The following ARL15 variants were observed in gnomAD, a reference collection of about 807,000 sequenced individuals.
ARL15 encodes ARF like GTPase 15.
ARL15 carries 19 observed loss-of-function variants against 25.2 expected under a neutral mutation model. The ratio of observed to expected loss-of-function variants is 0.75; its 90% CI spans 0.53 to 1.10. The LOEUF (loss-of-function observed/expected upper bound fraction) is 1.10, where lower values mean the gene tolerates loss of function less well. ARL15 is among the 50% of genes least tolerant of loss of function. The pLI, the probability that ARL15 is intolerant of heterozygous loss-of-function variation, is 0.00. For missense variants in ARL15, 220 were observed against 246.0 expected, an observed-to-expected ratio of 0.89 and a Z score of 0.71; for synonymous variants, 94 against 86.8, an observed-to-expected ratio of 1.08 and a Z score of -0.46.
chr5:54,001,063 T>A (rs942956746), intron 4 of ARL15, among the ~76,000 whole-genome samples: 3 of 152,186 alleles, frequency 2.0e-5, no homozygotes, highest in African/African-American at 7.2e-5. Flanking sequence ...AACTTTATAT[T>A]TTAGTACTTT....
chr5:54,039,891 A>AT (rs1165472111), intron 4 of ARL15, among the ~76,000 whole-genome samples: 1 of 150,720 alleles, frequency 6.6e-6, no homozygotes, highest in African/African-American at 2.4e-5. Context: ...AAACGTATTT[A>AT]TTTTTGAACT....
chr5:54,251,719 TTAAGAACACCTGTAGTGTAA>T (rs1413092044), intron 1 of ARL15, among the ~76,000 whole-genome samples: 1 of 152,218 alleles, frequency 6.6e-6, no homozygotes, highest in Non-Finnish European at 1.5e-5. Context: ...ACTGTCCTGT[TTAAGAACACCTGTAGTGTAA>T]TAAGGTAAGC....
intron 3 of ARL15, among the ~76,000 whole-genome samples, chr5:54,116,342 G>A (rs1752898616): frequency 6.6e-6 from 1 of 152,136 alleles, no homozygotes; most frequent in Non-Finnish European, 1.5e-5. Flanking sequence ...GATACCAACA[G>A]CATCTGCTAC....
intron 4 of ARL15, among the ~76,000 whole-genome samples, chr5:53,904,357 A>G (rs768941647): frequency 6.6e-6 from 1 of 152,240 alleles, no homozygotes; most frequent in African/African-American, 2.4e-5. Flanking sequence ...ATTATTAAGT[A>G]GTATAAGTAA....
intron 3 of ARL15, among the ~76,000 whole-genome samples, chr5:54,144,817 C>T (rs1294471575): frequency 1.3e-5 from 2 of 152,096 alleles, no homozygotes; most frequent in Admixed American, 6.6e-5. Flanking sequence ...GGTCTAGCAC[C>T]CACACTCAAG....
At chr5:54,241,697 T>C (rs543151196) in intron 1 of ARL15, among the ~76,000 whole-genome samples, 3 of 152,334 alleles carry the variant, frequency 2.0e-5, no homozygotes, top group South Asian at 4.1e-4. Flanking sequence ...CGATTCCTTA[T>C]ATAATAGGCA....
intron 3 of ARL15, among the ~76,000 whole-genome samples, chr5:54,126,203 T>A (rs1322739379): frequency 2.0e-5 from 3 of 152,150 alleles, no homozygotes; most frequent in African/African-American, 7.2e-5. Flanking sequence ...ACCTCTAATA[T>A]CACGAAAACA....
chr5:54,157,665 C>T (rs1347698309), intron 2 of ARL15, among the ~76,000 whole-genome samples: 1 of 152,170 alleles, frequency 6.6e-6, no homozygotes, highest in Non-Finnish European at 1.5e-5. Flanking sequence ...CCCGCCTCGG[C>T]CTCCCAAAGT....
At chr5:54,295,796 A>G (rs1047119905) in intron 1 of ARL15, among the ~76,000 whole-genome samples, 1 of 152,300 alleles carries the variant, frequency 6.6e-6, no homozygotes, top group South Asian at 2.1e-4. Context: ...AATCGTCCCA[A>G]TGCTCCTTCC....
intron 1 of ARL15, among the ~76,000 whole-genome samples, chr5:54,181,718 G>C (rs1201446453): frequency 1.3e-5 from 2 of 152,184 alleles, no homozygotes; most frequent in East Asian, 1.9e-4. Flanking sequence ...AGGATCACTT[G>C]AGGCTAGGAG....
intron 3 of ARL15, among the ~76,000 whole-genome samples, chr5:54,124,420 A>AT (rs1464747635): frequency 1.3e-5 from 2 of 152,142 alleles, no homozygotes; most frequent in African/African-American, 4.8e-5. Flanking sequence ...TGTTCTGAAT[A>AT]TTTTTTCTTA....
chr5:54,292,493 T>A (rs1758358805), intron 1 of ARL15, among the ~76,000 whole-genome samples: 1 of 152,148 alleles, frequency 6.6e-6, no homozygotes, highest in African/African-American at 2.4e-5. Context: ...GAAGGCAGAA[T>A]CACAACCCAT....
chr5:54,209,449 C>A lies in ARL15; in HGVS notation c.49-37521G>T, dbSNP rs2112503051. 1.3e-5 allele frequency among the ~76,000 whole-genome samples: 2 copies of A among 152,056 alleles called. 1 individual carries two copies. Among genetic ancestry groups the A allele is most frequent in the South Asian group, 4.2e-4 (2 of 4,792 alleles). On this transcript the variant is annotated intron_variant, in intron 1 of 4. Coordinates refer to ENST00000504924, the MANE Select transcript of ARL15 (RefSeq NM_019087.3). Reference sequence around the variant, plus strand: ...GAAGGAAGAAGAAGTTCACCATTGACCACTGGTTTTCACATAATAAGTTCT... The same window carrying A: ...GAAGGAAGAAGAAGTTCACCATTGAACACTGGTTTTCACATAATAAGTTCT...
At chr5:53,894,062 G>C (rs1306735491) in intron 4 of ARL15, among the ~76,000 whole-genome samples, 2 of 152,124 alleles carry the variant, frequency 1.3e-5, no homozygotes, top group Non-Finnish European at 2.9e-5. Flanking sequence ...GCTTAACAAG[G>C]ACCTGAAAAT....
intron 1 of ARL15, chr5:54,285,286 A>G (rs1009694006): frequency 1.2e-5 from 9 of 781,694 alleles, no homozygotes; most frequent in Non-Finnish European, 1.4e-5. Context: ...CTATAGAAAA[A>G]GAATGCCTAA....
intron 4 of ARL15, among the ~76,000 whole-genome samples, chr5:54,022,868 C>T (rs553953697): frequency 3.2e-4 from 49 of 152,260 alleles, no homozygotes; most frequent in Admixed American, 3.1e-3. Context: ...ACCCCTATGC[C>T]CTTCTCCTCT....
chr5:54,029,341 C>A (rs925671211), intron 4 of ARL15, among the ~76,000 whole-genome samples: 1 of 138,746 alleles, frequency 7.2e-6, no homozygotes, highest in Non-Finnish European at 1.6e-5. Context: ...ACTACCACCA[C>A]CACCACCACC....
intron 4 of ARL15, chr5:53,887,509 A>G: frequency 3.3e-6 from 2 of 606,050 alleles, no homozygotes; most frequent in Non-Finnish European, 5.9e-6. Context: ...AGTATTACCA[A>G]TTCCTGGCTG....
At chr5:54,037,407 T>C (rs1750202941) in intron 4 of ARL15, among the ~76,000 whole-genome samples, 1 of 152,016 alleles carries the variant, frequency 6.6e-6, no homozygotes, top group Non-Finnish European at 1.5e-5. Flanking sequence ...TGATGACCAA[T>C]ACAGAAAATG....
Sources: gnomAD v4.1 joint callset for allele counts (sites outside exome capture counted in the v4.1 genomes callset) on GRCh38, gnomAD v4.1.1 for gene constraint, MANE v1.5 for transcripts, NCBI Gene and HGNC (gene_info 2026-07-23, HGNC 2026-07-21) for gene names.